Variants in GSE1 observed in about 807,000 individuals in gnomAD.
The protein encoded by GSE1 is genetic suppressor element 1.
In GSE1, 32 loss-of-function variants were observed where a neutral mutation model predicts 112.6. That is an observed-to-expected ratio of 0.28 (90% CI 0.21 to 0.38). GSE1 has a LOEUF of 0.38. GSE1 is among the 10% of genes least tolerant of loss of function. GSE1 has a pLI of 1.00. For missense variants in GSE1, 2,348 were observed against 1,699.2 expected, an observed-to-expected ratio of 1.38 and a Z score of -6.71; for synonymous variants, 1,115 against 735.6, an observed-to-expected ratio of 1.52 and a Z score of -8.35.
chr16:85,529,169 A>T (rs940183936), intron 2 of GSE1, among the ~76,000 whole-genome samples: 2 of 151,858 alleles, frequency 1.3e-5, no homozygotes, highest in African/African-American at 4.8e-5. Context: ...GCAGGTGGTT[A>T]ATCGTGTGTG....
chr16:85,499,137 G>A (rs1050498736), intron 2 of GSE1, among the ~76,000 whole-genome samples: 35 of 152,032 alleles, frequency 2.3e-4, no homozygotes, highest in African/African-American at 8.2e-4. Context: ...CCCTGAGTAT[G>A]AGTAGGACTC....
rs567922498 is a variant in GSE1 at position 85,239,499 on chromosome 16, TGA to T, written c.2283+67694_2283+67695del. Among the ~76,000 whole-genome samples the T allele has an allele frequency of 3.9e-3, 597 of 152,344 alleles. 1 individual carries two copies. The highest frequency in any genetic ancestry group is 0.014 in the African/African-American group (573 of 41,582). The stretch of plus-strand genomic sequence containing the variant: ...CTGACCTGTCCTTGCACGGCTGCCC[TGA>T]GTCCCCCTGGGCTCCACCTGCAAGC... On this transcript the variant is annotated intron_variant, in intron 1 of 2. Coordinates refer to the GSE1 transcript ENST00000637419.
chr16:85,386,129 C>A (rs908552041), intron 2 of GSE1, among the ~76,000 whole-genome samples: 1 of 152,204 alleles, frequency 6.6e-6, no homozygotes, highest in Non-Finnish European at 1.5e-5. Flanking sequence ...ACTACCACCC[C>A]CTCCCACCCT....
chr16:85,610,575 G>T (rs918638033), upstream of GSE1, among the ~76,000 whole-genome samples: 5 of 152,214 alleles, frequency 3.3e-5, no homozygotes, highest in African/African-American at 1.2e-4. Context: ...ACTAATTTCC[G>T]GGGGCCGGGC....
chr16:85,527,469 T>C (rs1334813676), intron 2 of GSE1, among the ~76,000 whole-genome samples: 1 of 152,234 alleles, frequency 6.6e-6, no homozygotes, highest in Non-Finnish European at 1.5e-5. Flanking sequence ...TGCCCAGAGC[T>C]GGGGCCAGAG....
intron 2 of GSE1, among the ~76,000 whole-genome samples, chr16:85,366,623 G>A (rs1234403429): frequency 6.6e-6 from 1 of 152,138 alleles, no homozygotes; most frequent in Non-Finnish European, 1.5e-5. Flanking sequence ...AGACCCTCCC[G>A]CCCCTCTGTT....
intron 3 of GSE1, among the ~76,000 whole-genome samples, chr16:85,652,546 G>GGCA (rs1471590799): frequency 2.0e-5 from 1 of 50,556 alleles, no homozygotes; most frequent in Non-Finnish European, 4.2e-5. Flanking sequence ...GAAGATTCCA[G>GGCA]GCGGCGGCGG....
intron 1 of GSE1, among the ~76,000 whole-genome samples, chr16:85,619,997 G>A (rs779042402): frequency 6.6e-6 from 1 of 152,158 alleles, no homozygotes; most frequent in Non-Finnish European, 1.5e-5. Context: ...GGAAGGCCCT[G>A]TTTAACCTGG....
chr16:85,335,871 C>T (rs954792321), intron 1 of GSE1, among the ~76,000 whole-genome samples: 4 of 152,200 alleles, frequency 2.6e-5, no homozygotes, highest in Non-Finnish European at 4.4e-5. Context: ...ACCTGACGTC[C>T]AGTGTGGAGT....
intron 11 of GSE1, among the ~76,000 whole-genome samples, 180 bp downstream of exon 11, chr16:85,663,794 C>T (rs2052622191): frequency 1.3e-5 from 2 of 152,252 alleles, no homozygotes; most frequent in Non-Finnish European, 2.9e-5. Flanking sequence ...TCCATAGCAG[C>T]CTTACCTGAC....
At chr16:85,632,162 C>T (rs947754200) in intron 1 of GSE1, among the ~76,000 whole-genome samples, 9 of 152,172 alleles carry the variant, frequency 5.9e-5, no homozygotes, top group African/African-American at 2.2e-4. Context: ...ACCCCTGGCC[C>T]CTCCAGAAAG....
chr16:85,277,931 G>T (rs1000232792), intron 1 of GSE1, among the ~76,000 whole-genome samples: 2 of 152,238 alleles, frequency 1.3e-5, no homozygotes, highest in African/African-American at 4.8e-5. Flanking sequence ...CTTCCTGCTG[G>T]GGTCAGCGGG....
intron 1 of GSE1, among the ~76,000 whole-genome samples, chr16:85,587,886 GGTTT>G (rs1451322666): frequency 6.6e-6 from 1 of 152,164 alleles, no homozygotes; most frequent in Non-Finnish European, 1.5e-5. Flanking sequence ...AAAGAGTTAA[GGTTT>G]TGCAGGACAG....
At chr16:85,480,929 A>G (rs1481588823) in intron 2 of GSE1, among the ~76,000 whole-genome samples, 1 of 152,218 alleles carries the variant, frequency 6.6e-6, no homozygotes, top group African/African-American at 2.4e-5. Context: ...CGGTGCCCCC[A>G]GGGAGCAGCG....
intron 1 of GSE1, among the ~76,000 whole-genome samples, chr16:85,589,091 T>C (rs2046844540): frequency 6.6e-6 from 1 of 151,902 alleles, no homozygotes; most frequent in Non-Finnish European, 1.5e-5. Context: ...GGGATCCCCG[T>C]GTACCCGCCT....
chr16:85,601,422 G>C (rs2047459665), intron 1 of GSE1, among the ~76,000 whole-genome samples: 1 of 152,064 alleles, frequency 6.6e-6, no homozygotes, highest in Non-Finnish European at 1.5e-5. Context: ...TGGGGAGGAG[G>C]CCTTTCAGAA....
intron 1 of GSE1, among the ~76,000 whole-genome samples, chr16:85,629,473 A>G (rs939694198): frequency 2.0e-5 from 3 of 152,204 alleles, no homozygotes; most frequent in Admixed American, 1.3e-4. Flanking sequence ...ATAGTCAGCC[A>G]CCCAGCCTGC....
At chr16:85,334,699 A>C (rs1196478008) in intron 1 of GSE1, among the ~76,000 whole-genome samples, 1 of 152,208 alleles carries the variant, frequency 6.6e-6, no homozygotes, top group Non-Finnish European at 1.5e-5. Context: ...GTGGGGGCTC[A>C]AGACCCACCA....
intron 1 of GSE1, among the ~76,000 whole-genome samples, chr16:85,349,095 G>C (rs965173149): frequency 1.3e-5 from 2 of 152,182 alleles, no homozygotes; most frequent in Admixed American, 6.5e-5. Context: ...TTACTCATTT[G>C]CCGGGTGCTG....
Sources: gnomAD v4.1 joint callset for allele counts (sites outside exome capture counted in the v4.1 genomes callset) on GRCh38, gnomAD v4.1.1 for gene constraint, MANE v1.5 for transcripts, NCBI Gene and HGNC (gene_info 2026-07-23, HGNC 2026-07-21) for gene names.